FAM171A2: variants seen among roughly 807,000 people sequenced by gnomAD.
The protein encoded by FAM171A2 is family with sequence similarity 171 member A2, also known as protein FAM171A2.
Under a neutral mutation model 34.2 loss-of-function variants are expected in FAM171A2, and 13 were observed. That is an observed-to-expected ratio of 0.38 (90% CI 0.25 to 0.60). FAM171A2 has a LOEUF of 0.60. Among genes scored for constraint, FAM171A2 ranks in the 20% least tolerant of loss-of-function variants. The pLI is 0.62. For missense variants in FAM171A2, 950 were observed against 1,180.7 expected (o/e 0.80, Z 2.86); for synonymous variants, 475 against 561.2 (o/e 0.85, Z 2.17).
Position 44,354,431 on chromosome 17 carries a change from C to T in FAM171A2, c.1783G>A (p.Glu595Lys), listed in dbSNP as rs752086752. The T allele has an allele frequency of 8.8e-7, 1 of 1,132,648 alleles. No individual in the cohort carries two copies. The highest frequency in any genetic ancestry group is 4.2e-5 in the South Asian group (1 of 23,794). The allele number at this position is 1,132,648 out of a possible 1,614,324, so 70.2% of individuals were successfully genotyped here. A position where few individuals can be genotyped will look rare whatever the true frequency, so the allele number is the denominator to read the frequency against. Reference protein sequence around the residue: ...QMPGHSGPGGEGGGGGGEGWG... With the variant: ...QMPGHSGPGGKGGGGGGEGWG... ...CCCTCGCCGCCGCCCCCGCCGCCCT[C>T]GCCCCCCGGGCCCGAGTGGCCCGGC... The change falls in exon 8 of 8, where the codon GAG becomes AAG. Residue 595 changes from glutamate (E) to lysine (K), a missense_variant. By Grantham distance (56) the Glu-to-Lys change is moderately conservative (BLOSUM62 1). Transcript: ENST00000293443. This position sits in a 1 kb window ranked among gnomAD's most constrained non-coding sequence, Gnocchi z 5.8.
rs1370172715 is a variant in FAM171A2 at position 44,355,338 on chromosome 17, C to T, written c.1023-147G>A. The stretch of plus-strand genomic sequence containing the variant: ...GCGCTCAGGAGAGATGGCGGGGAGC[C>T]GCCGTGTCCGTTTGGCGATCCCCTC... On this transcript the variant is annotated intron_variant, in intron 7 of 7. Coordinates refer to ENST00000293443, the MANE Select transcript of FAM171A2 (RefSeq NM_198475.3). The surrounding 1 kb of genome is among the most constrained non-coding windows in gnomAD (Gnocchi z 4.1). 2 of 1,380,206 alleles carry T rather than the reference C, an allele frequency of 1.4e-6. No individual in the cohort carries two copies. The highest frequency in any genetic ancestry group is 1.9e-6 in the Non-Finnish European group (2 of 1,045,110). 85.5% of individuals were successfully genotyped at this position (1,380,206 alleles called of 1,614,324 possible).
intron 3 of FAM171A2, 146 bp from the exon 4 acceptor site, chr17:44,356,734 T>A (rs2143374005): frequency 1.2e-6 from 1 of 852,394 alleles, no homozygotes; most frequent in Middle Eastern, 3.6e-4. Flanking sequence ...GGGAGAAAGC[T>A]GGGCAGTCAT....
chr17:44,356,184 T>C lies in FAM171A2; in HGVS notation c.767A>G (p.Asp256Gly), dbSNP rs1206267389. ...VGTSIPAWRF[D>G]PKSGLWVRNG... Reference sequence around the variant, plus strand: ...CCTGAGGCACTTACCACTCTTGGGGTCAAATCTCCAGGCTGGAATGCTGGT... The same window carrying C: ...CCTGAGGCACTTACCACTCTTGGGGCCAAATCTCCAGGCTGGAATGCTGGT... Residue 256 changes from aspartate (D) to glycine (G), a missense_variant, in exon 5 of 8, where the codon GAC becomes GGC. Physicochemically the swap from Asp to Gly is moderately conservative, Grantham distance 94. This residue lies in a region of FAM171A2 where 752 missense variants were observed against 924.5 expected (regional missense o/e 0.81). Coordinates refer to ENST00000293443, the MANE Select transcript of FAM171A2 (RefSeq NM_198475.3). 6.5e-7 allele frequency: 1 copy of C among 1,547,118 alleles called. No individual in the cohort carries two copies. The highest frequency in any genetic ancestry group is 2.0e-5 in the Admixed American group (1 of 50,726).
chr17:44,359,599 T>C lies in FAM171A2; in HGVS notation c.419A>G (p.His140Arg), dbSNP rs2048439404. The change falls in exon 3 of 8, where the codon CAC becomes CGC. Residue 140 changes from histidine to arginine, a missense_variant. Physicochemically the swap from His to Arg is conservative, Grantham distance 29. Transcript: ENST00000293443. ...ATLILYEDLV[H>R]ILLGSPGARS... Reference sequence around the variant, plus strand: ...CTTACCGGGAGAGCCTAGGAGAATGTGCACCAGGTCCTCATAGAGGATGAG... The same window carrying C: ...CTTACCGGGAGAGCCTAGGAGAATGCGCACCAGGTCCTCATAGAGGATGAG... The C allele has an allele frequency of 6.4e-7, 1 of 1,551,140 alleles. No homozygotes were observed. The highest frequency in any genetic ancestry group is 1.4e-5 in the African/African-American group (1 of 72,966).
intron 5 of FAM171A2, 33 bp downstream of exon 5, chr17:44,356,140 A>C (rs1374605004): frequency 1.3e-6 from 2 of 1,526,658 alleles, no homozygotes; most frequent in Non-Finnish European, 8.8e-7. Context: ...TCTTCTCTCA[A>C]CTCAAGCACC....
Position 44,359,616 on chromosome 17 carries a change from G to A in FAM171A2, c.402C>T (p.Leu134=), listed in dbSNP as rs1316539581. Reference sequence around the variant, plus strand: ...GGAGAATGTGCACCAGGTCCTCATAGAGGATGAGCGTGGCCGGCCGCTCAG... The same window carrying A: ...GGAGAATGTGCACCAGGTCCTCATAAAGGATGAGCGTGGCCGGCCGCTCAG... ...LLPERPATLI[L]YEDLVHILLG... Residue 134 remains leucine, a synonymous_variant, in exon 3 of 8, where the codon CTC becomes CTT. Transcript: ENST00000293443. 6.4e-7 allele frequency: 1 copy of A among 1,551,222 alleles called. No homozygotes were observed. The highest frequency in any genetic ancestry group is 8.7e-7 in the Non-Finnish European group (1 of 1,146,944).
At position 44,354,968 on chromosome 17, in the gene FAM171A2, A is replaced by G. The variant is rs557925337; in HGVS notation, c.1246T>C (p.Phe416Leu). ...CTGGCAGAGCGCGGCTTGGTGCGGA[A>G]GAAGTCATCCCGGGAGGAGGCCAAG... ...RDLASSRDDF[F>L]RTKPRSASRP... Residue 416 changes from phenylalanine (F) to leucine (L), a missense_variant, in exon 8 of 8, where the codon TTC becomes CTC. Coordinates refer to ENST00000293443, the MANE Select transcript of FAM171A2 (RefSeq NM_198475.3). This position sits in a 1 kb window ranked among gnomAD's most constrained non-coding sequence, Gnocchi z 5.8. 3.5e-4 allele frequency: 517 copies of G among 1,470,808 alleles called. 2 individuals are homozygous for G. The African/African-American group carries it at 6.9e-3, about 20-fold the overall frequency. The allele number at this position is 1,470,808 out of a possible 1,614,324, so 91.1% of individuals were successfully genotyped here. A position where few individuals can be genotyped will look rare whatever the true frequency, so the allele number is the denominator to read the frequency against.
rs903307095 is a variant in FAM171A2, at chr17:44,354,998, G to T, written c.1216C>A (p.Arg406=). 3.3e-6 allele frequency: 5 copies of T among 1,497,930 alleles called. No individual in the cohort carries two copies. Among genetic ancestry groups the T allele is most frequent in the Non-Finnish European group, 4.4e-6 (5 of 1,125,134 alleles). 92.8% of individuals were successfully genotyped at this position (1,497,930 alleles called of 1,614,324 possible). ...GPLHSAFSSS[R]DLASSRDDFF... is the part of the protein sequence containing the mutation. ...TCATCCCGGGAGGAGGCCAAGTCCC[G>T]GGAGCTGGAGAAGGCCGAGTGGAGG... is the stretch of plus-strand genomic sequence containing the variant. Residue 406 remains arginine, a synonymous_variant, in exon 8 of 8, where the codon CGG becomes AGG. Transcript: ENST00000293443. The surrounding 1 kb of genome is among the most constrained non-coding windows in gnomAD (Gnocchi z 5.8).
chr17:44,360,098 C>T lies in FAM171A2; in HGVS notation c.153G>A (p.Gly51=), dbSNP rs2048442282. The T allele has an allele frequency of 2.6e-6, 4 of 1,551,682 alleles. No individual in the cohort carries two copies. The highest frequency in any genetic ancestry group is 2.4e-5 in the South Asian group (2 of 84,060). Residue 51 remains glycine (G), a synonymous_variant, in exon 2 of 8, where the codon GGG becomes GGA. Transcript: ENST00000293443. ...AGGCCCGGGCCAGGGGCACCAGCTC[C>T]CCGCTCACATACACCTGCACCTTGA... ...ILIKVQVYVS[G]ELVPLARASV...
chr17:44,360,676 G>A (rs1347742147), intron 1 of FAM171A2, among the ~76,000 whole-genome samples: 1 of 152,170 alleles, frequency 6.6e-6, no homozygotes, highest in African/African-American at 2.4e-5. Context: ...GAAAGGCTAA[G>A]TAAAGCTGGG....
In FAM171A2 at chr17:44,354,709, T is replaced by A; in HGVS notation, c.1505A>T (p.Gln502Leu). The change falls in exon 8 of 8, where the codon CAG becomes CTG. Residue 502 changes from glutamine to leucine, a missense_variant. Gln to Leu is a moderately radical substitution (Grantham distance 113). Transcript: ENST00000293443. This position sits in a 1 kb window ranked among gnomAD's most constrained non-coding sequence, Gnocchi z 5.8. ...CGGCCGCGCCAGCTGGTCCACCGAC[T>A]GCGACAGCAGGAAGTCGGGGGTCTT... Reference protein sequence around the residue: ...EGKTPDFLLSQSVDQLARPPS... With the variant: ...EGKTPDFLLSLSVDQLARPPS... The A allele has an allele frequency of 7.4e-7, 1 of 1,343,884 alleles. No individual in the cohort carries two copies. Among genetic ancestry groups the A allele is most frequent in the Non-Finnish European group, 9.6e-7 (1 of 1,046,334 alleles). 83.2% of individuals were successfully genotyped at this position (1,343,884 alleles called of 1,614,324 possible). A position where few individuals can be genotyped will look rare whatever the true frequency, so the allele number is the denominator to read the frequency against.
Position 44,353,661 on chromosome 17 carries a change from C to G in FAM171A2, c.*72G>C, listed in dbSNP as rs1434924432. ...GCTGGGAGCTACGCGCGAGGGCCCC[C>G]GCGGGCCCCCGGGGCGCGCACCCTG... On this transcript the variant is annotated 3_prime_UTR_variant, in exon 8 of 8. Coordinates refer to ENST00000293443, the MANE Select transcript of FAM171A2 (RefSeq NM_198475.3). 1.7e-6 allele frequency: 2 copies of G among 1,149,054 alleles called. No individual in the cohort carries two copies. The highest frequency in any genetic ancestry group is 2.2e-6 in the Non-Finnish European group (2 of 924,774). The allele number at this position is 1,149,054 out of a possible 1,614,324, so 71.2% of individuals were successfully genotyped here.
In FAM171A2 at chr17:44,355,934, C is replaced by G. The variant is rs1007215951; in HGVS notation, c.895+24G>C. On this transcript the variant is annotated intron_variant, in intron 6 of 7. Coordinates refer to ENST00000293443, the MANE Select transcript of FAM171A2 (RefSeq NM_198475.3). The surrounding 1 kb of genome is among the most constrained non-coding windows in gnomAD (Gnocchi z 4.1). ...CAGCTCCCCTCCTCCGCGGCCTCTA[C>G]GCCCACTGCCCCACTACTCTTACCA... The G allele has an allele frequency of 2.6e-6, 4 of 1,540,926 alleles. No homozygotes were observed. Among genetic ancestry groups the G allele is most frequent in the Non-Finnish European group, 3.5e-6 (4 of 1,140,634 alleles).
chr17:44,358,622 C>T (rs1328014641), intron 3 of FAM171A2, among the ~76,000 whole-genome samples: 1 of 151,930 alleles, frequency 6.6e-6, no homozygotes, highest in African/African-American at 2.4e-5. Flanking sequence ...ACCCAGAAAG[C>T]AAAGGTTGCA....
rs1185072509 is a variant in FAM171A2, at chr17:44,355,336, G to GCCGCCGTGT, written c.1023-154_1023-146dup. 21 of 1,380,824 alleles carry GCCGCCGTGT rather than the reference G, an allele frequency of 1.5e-5. No homozygotes were observed. Among genetic ancestry groups the GCCGCCGTGT allele is most frequent in the Non-Finnish European group, 1.9e-5 (20 of 1,045,054 alleles). The allele number at this position is 1,380,824 out of a possible 1,614,324, so 85.5% of individuals were successfully genotyped here. On this transcript the variant is annotated intron_variant, in intron 7 of 7. Coordinates refer to ENST00000293443, the MANE Select transcript of FAM171A2 (RefSeq NM_198475.3). The surrounding 1 kb of genome is among the most constrained non-coding windows in gnomAD (Gnocchi z 4.1). ...GGGCGCTCAGGAGAGATGGCGGGGA[G>GCCGCCGTGT]CCGCCGTGTCCGTTTGGCGATCCCC...
At chr17:44,358,724 C>T (rs981060052) in intron 3 of FAM171A2, among the ~76,000 whole-genome samples, 4 of 152,002 alleles carry the variant, frequency 2.6e-5, no homozygotes, top group African/African-American at 4.8e-5. Flanking sequence ...AAAACTAGCT[C>T]CATGACAAGG....
Position 44,353,835 on chromosome 17 carries a change from C to A in FAM171A2, c.2379G>T (p.Pro793=). 1 of 1,408,134 alleles carries A rather than the reference C, an allele frequency of 7.1e-7. No homozygotes were observed. 87.2% of individuals were successfully genotyped at this position (1,408,134 alleles called of 1,614,324 possible). ...CCACCTCCGCCCCCAGCTCGTCCTCCGGGCTGGTGAGCGAGTCGCGCCGCA... is the reference window on the plus strand; with the variant it reads ...CCACCTCCGCCCCCAGCTCGTCCTCAGGGCTGGTGAGCGAGTCGCGCCGCA... The part of the protein sequence containing the change: ...SELRRDSLTS[P]EDELGAEVGD... The change falls in exon 8 of 8, where the codon CCG becomes CCT. Residue 793 remains proline, a synonymous_variant. Transcript: ENST00000293443.
rs868514283 is a variant in FAM171A2, at chr17:44,356,469, C to T, written c.559G>A (p.Ala187Thr). 6 of 1,550,996 alleles carry T rather than the reference C, an allele frequency of 3.9e-6. No individual in the cohort carries two copies. The highest frequency in any genetic ancestry group is 1.2e-5 in the South Asian group (1 of 84,044). The change falls in exon 4 of 8, where the codon GCT becomes ACT. Residue 187 changes from alanine (A) to threonine (T), a missense_variant. Transcript: ENST00000293443. ...TPASTQQEMRAFPAFLGTEAS... is the reference protein window; with the variant it reads ...TPASTQQEMRTFPAFLGTEAS... ...TCAGTGCCCAGGAAGGCAGGGAAAG[C>T]CCGCATTTCCTGCTGGGTGCTGGCA...
rs1486259312 is a variant in FAM171A2 at position 44,355,973 on chromosome 17, C to T, written c.880G>A (p.Ala294Thr). 1 of 1,541,736 alleles carries T rather than the reference C, an allele frequency of 6.5e-7. No individual in the cohort carries two copies. The highest frequency in any genetic ancestry group is 1.4e-5 in the African/African-American group (1 of 73,040). Residue 294 changes from alanine to threonine, a missense_variant, in exon 6 of 8, where the codon GCC becomes ACC. Physicochemically the swap from Ala to Thr is moderately conservative, Grantham distance 58. Transcript: ENST00000293443. The surrounding 1 kb of genome is among the most constrained non-coding windows in gnomAD (Gnocchi z 4.1). Reference sequence around the variant, plus strand: ...CTACTCTTACCAGCCGTGGGGGAGGCCATGGCGGCCACCCAGTACCCCAGC... The same window carrying T: ...CTACTCTTACCAGCCGTGGGGGAGGTCATGGCGGCCACCCAGTACCCCAGC... ...PQLGYWVAAM[A>T]SPTAGLVTIT... is the part of the protein sequence containing the mutation.
Sources: allele counts gnomAD v4.1 joint callset (sites outside exome capture counted in the v4.1 genomes callset), GRCh38; gene constraint gnomAD v4.1.1; regional missense constraint gnomAD v4.1.1; non-coding constraint Gnocchi (gnomAD v3.1); transcripts MANE v1.5; gene names NCBI Gene and HGNC (gene_info 2026-07-23, HGNC 2026-07-21).